The following ADGRL2 variants were observed in gnomAD, a reference collection of about 807,000 sequenced individuals.
The protein encoded by ADGRL2 is adhesion G protein-coupled receptor L2.
Under a neutral mutation model 157.4 loss-of-function variants are expected in ADGRL2, and 44 were observed. The observed-to-expected ratio is 0.28, with a 90% CI of 0.22 to 0.36. The LOEUF (loss-of-function observed/expected upper bound fraction) is 0.36, where lower values mean the gene tolerates loss of function less well. Among genes scored for constraint, ADGRL2 ranks in the 10% least tolerant of loss-of-function variants. The pLI, the probability that ADGRL2 is intolerant of heterozygous loss-of-function variation, is 1.00. For missense variants in ADGRL2, 1,510 were observed against 1,768.9 expected (o/e 0.85, Z 2.63); for synonymous variants, 585 against 624.7 (o/e 0.94, Z 0.95).
At chr1:81,515,675 A>G (rs1398975928) in intron 2 of ADGRL2, among the ~76,000 whole-genome samples, 4 of 152,324 alleles carry the variant, frequency 2.6e-5, no homozygotes, top group African/African-American at 9.6e-5. Flanking sequence ...TCGTAACTAA[A>G]AGAAGAAAAT....
upstream of ADGRL2, chr1:81,699,716 G>C (rs930670629): frequency 1.3e-5 from 2 of 152,200 alleles, no homozygotes; most frequent in Non-Finnish European, 2.9e-5. Flanking sequence ...TCTGGAAAAG[G>C]CTCAATACTC....
chr1:81,387,365 T>C (rs991420511), intron 1 of ADGRL2, among the ~76,000 whole-genome samples: 2 of 152,186 alleles, frequency 1.3e-5, no homozygotes, highest in African/African-American at 4.8e-5. Context: ...TTTAGAAAAT[T>C]AGGAAAGTTT....
Position 81,339,901 on chromosome 1 carries a change from G to A in ADGRL2, c.-302+33392G>A, listed in dbSNP as rs191275901. 7.8e-4 allele frequency among the ~76,000 whole-genome samples: 119 copies of A among 152,176 alleles called. 1 individual carries two copies. Among genetic ancestry groups the A allele is most frequent in the African/African-American group, 2.7e-3 (111 of 41,516 alleles). ...CTTAAGTTCATATGTTCCTTCCTCT[G>A]TAGTTCTTACCTACGTTTCTTTGGT... On this transcript the variant is annotated intron_variant, in intron 1 of 24. Transcript: ENST00000370721.
intron 2 of ADGRL2, among the ~76,000 whole-genome samples, chr1:81,890,498 A>T (rs2094232402): frequency 6.6e-6 from 1 of 152,086 alleles, no homozygotes. Flanking sequence ...GCCGTGGGAG[A>T]TACTGGGAAG....
chr1:81,382,777 G>A (rs1488269809), intron 1 of ADGRL2, among the ~76,000 whole-genome samples: 1 of 152,154 alleles, frequency 6.6e-6, no homozygotes, highest in Non-Finnish European at 1.5e-5. Context: ...ATTACTAGGA[G>A]TAATAGAAAA....
intron 1 of ADGRL2, among the ~76,000 whole-genome samples, chr1:81,322,414 T>C (rs1258660703): frequency 6.6e-6 from 1 of 152,188 alleles, no homozygotes; most frequent in East Asian, 1.9e-4. Context: ...TGCGTAATGA[T>C]GTATATCAGT....
chr1:81,420,798 A>G (rs553629941), intron 1 of ADGRL2, among the ~76,000 whole-genome samples: 4 of 152,288 alleles, frequency 2.6e-5, no homozygotes, highest in Admixed American at 6.5e-5. Context: ...GAAGTTCAAT[A>G]TTATTCCCTC....
At chr1:81,797,863 C>T (rs1472296493), upstream of ADGRL2, among the ~76,000 whole-genome samples, 1 of 152,098 alleles carries the variant, frequency 6.6e-6, no homozygotes, top group Non-Finnish European at 1.5e-5. Context: ...ATCTCTCTAA[C>T]CACATAAGCT....
chr1:81,947,631 A>T (rs565222466), intron 6 of ADGRL2, among the ~76,000 whole-genome samples: 1 of 152,202 alleles, frequency 6.6e-6, no homozygotes, highest in Non-Finnish European at 1.5e-5. Flanking sequence ...ATCAACGTAC[A>T]CTTTTATCAT....
At chr1:81,749,795 A>G (rs375926546) in intron 1 of ADGRL2, among the ~76,000 whole-genome samples, 2 of 152,324 alleles carry the variant, frequency 1.3e-5, no homozygotes, top group African/African-American at 4.8e-5. Flanking sequence ...ATAAGGTAAT[A>G]TATAAGTATG....
intron 2 of ADGRL2, among the ~76,000 whole-genome samples, chr1:81,482,280 T>C (rs926731197): frequency 6.6e-6 from 1 of 152,256 alleles, no homozygotes; most frequent in East Asian, 1.9e-4. Flanking sequence ...CGTATGTTTC[T>C]GCATTGTTTT....
At chr1:81,523,935 G>A (rs946971386) in intron 2 of ADGRL2, among the ~76,000 whole-genome samples, 1 of 151,958 alleles carries the variant, frequency 6.6e-6, no homozygotes, top group Non-Finnish European at 1.5e-5. Flanking sequence ...TGTGGTGACA[G>A]GAGCTCATAA....
At chr1:81,520,254 C>G (rs1011949654) in intron 2 of ADGRL2, among the ~76,000 whole-genome samples, 1 of 152,068 alleles carries the variant, frequency 6.6e-6, no homozygotes, top group Non-Finnish European at 1.5e-5. Flanking sequence ...TTAATAGAAG[C>G]AATACACATC....
intron 5 of ADGRL2, chr1:81,942,718 C>A (rs1648498089): frequency 4.0e-6 from 2 of 499,516 alleles, no homozygotes; most frequent in South Asian, 4.3e-5. Context: ...ATTGTCAGAC[C>A]ACTTATAAAT....
At chr1:81,452,714 T>C (rs948167668) in intron 2 of ADGRL2, among the ~76,000 whole-genome samples, 2 of 152,230 alleles carry the variant, frequency 1.3e-5, no homozygotes, top group African/African-American at 4.8e-5. Context: ...TATCAGAGAC[T>C]ATCCAAGTTG....
intron 2 of ADGRL2, among the ~76,000 whole-genome samples, chr1:81,464,800 G>C (rs1010656749): frequency 6.6e-6 from 1 of 151,970 alleles, no homozygotes; most frequent in Non-Finnish European, 1.5e-5. Flanking sequence ...TTACATGAGG[G>C]GTGGCATATA....
chr1:81,542,404 T>G (rs1335785694), intron 2 of ADGRL2, among the ~76,000 whole-genome samples: 1 of 152,194 alleles, frequency 6.6e-6, no homozygotes, highest in East Asian at 1.9e-4. Context: ...CTTTGCCTAC[T>G]TAAATGCCCC....
At chr1:81,854,927 T>C (rs909029660) in intron 2 of ADGRL2, among the ~76,000 whole-genome samples, 2 of 152,150 alleles carry the variant, frequency 1.3e-5, no homozygotes, top group Non-Finnish European at 2.9e-5. Context: ...GTGGAAGAGT[T>C]AGAATTTGAT....
chr1:81,893,152 A>G (rs1331097492), intron 2 of ADGRL2, among the ~76,000 whole-genome samples: 1 of 152,130 alleles, frequency 6.6e-6, no homozygotes, highest in East Asian at 1.9e-4. Context: ...ACTGGCATGA[A>G]TTAGATGAGT....
Sources: gnomAD v4.1 joint callset for allele counts (sites outside exome capture counted in the v4.1 genomes callset) on GRCh38, gnomAD v4.1.1 for gene constraint, MANE v1.5 for transcripts, NCBI Gene and HGNC (gene_info 2026-07-23, HGNC 2026-07-21) for gene names.